TMTC4: variants seen among roughly 807,000 people sequenced by gnomAD.
The protein encoded by TMTC4 is protein O-mannosyl-transferase TMTC4.
In TMTC4, 65 loss-of-function variants were observed where a neutral mutation model predicts 86.0. That is an observed-to-expected ratio of 0.76 (90% CI 0.62 to 0.93). The LOEUF (loss-of-function observed/expected upper bound fraction) is 0.93, where lower values mean the gene tolerates loss of function less well. Ranked by LOEUF, TMTC4 falls within the 40% of genes least tolerant of loss-of-function variation. The probability of loss-of-function intolerance (pLI) is 0.00; values close to 1 mark genes in which losing one functional copy is unlikely to be tolerated. For missense variants in TMTC4, 866 were observed against 948.1 expected (o/e 0.91, Z 1.14); for synonymous variants, 379 against 382.5 (o/e 0.99, Z 0.11).
At chr13:100,624,851 A>T (rs1301052807) in intron 15 of TMTC4, 1 of 152,308 alleles carries the variant, frequency 6.6e-6, no homozygotes, top group East Asian at 1.9e-4. Context: ...TTGAAACCAA[A>T]TTAAATGGTT....
chr13:100,624,699 T>A (rs909096936), intron 15 of TMTC4, among the ~76,000 whole-genome samples: 6 of 152,212 alleles, frequency 3.9e-5, no homozygotes, highest in African/African-American at 1.4e-4. Context: ...CTGGATAAAA[T>A]CTGGAAATCT....
Position 100,625,543 on chromosome 13 carries a change from C to T in TMTC4, c.1828G>A (p.Gly610Arg), listed in dbSNP as rs1368829292. The T allele has an allele frequency of 9.3e-6, 15 of 1,613,988 alleles. No homozygotes were observed. The highest frequency in any genetic ancestry group is 2.2e-5 in the South Asian group (2 of 91,082). Residue 610 changes from glycine (G) to arginine (R), a missense_variant, in exon 15 of 19, where the codon GGG becomes AGG. Gly to Arg is a moderately radical substitution (Grantham distance 125). Coordinates refer to ENST00000342624, the MANE Select transcript of TMTC4 (RefSeq NM_032813.5). ...GGGCACCCCGCGCTTACCAGACGCCCGAGGTTGTAGTAACAGTCTGGGTAT... is the reference window on the plus strand; with the variant it reads ...GGGCACCCCGCGCTTACCAGACGCCTGAGGTTGTAGTAACAGTCTGGGTAT... ...RKYPDCYYNL[G>R]RLYADLNRHV...
At chr13:100,626,593 TG>T (rs1404692314) in intron 12 of TMTC4, among the ~76,000 whole-genome samples, 1 of 152,168 alleles carries the variant, frequency 6.6e-6, no homozygotes, top group Non-Finnish European at 1.5e-5. Context: ...CTCAAGTAGC[TG>T]GGACTACAGG....
At chr13:100,634,757 C>G (rs1229583343) in intron 12 of TMTC4, 48 bp downstream of exon 12, 1 of 1,583,766 alleles carries the variant, frequency 6.3e-7, no homozygotes, top group East Asian at 2.2e-5. Flanking sequence ...AAGAACTTAA[C>G]AGATACCCTA....
At chr13:100,658,117 G>A (rs1231932390) in intron 5 of TMTC4, among the ~76,000 whole-genome samples, 4 of 152,134 alleles carry the variant, frequency 2.6e-5, no homozygotes, top group South Asian at 2.1e-4. Flanking sequence ...TGCAATGAGC[G>A]CTCTGGAATA....
At chr13:100,657,568 T>C (rs960917555) in intron 5 of TMTC4, among the ~76,000 whole-genome samples, 3 of 152,200 alleles carry the variant, frequency 2.0e-5, no homozygotes, top group African/African-American at 4.8e-5. Context: ...CCAGGGGTAC[T>C]GGACTAGTTT....
At position 100,651,013 on chromosome 13, in the gene TMTC4, T is replaced by G. The variant is rs576168252; in HGVS notation, c.640+5368A>C. On this transcript the variant is annotated intron_variant, in intron 6 of 18. Coordinates refer to ENST00000342624, the MANE Select transcript of TMTC4 (RefSeq NM_032813.5). ...CACAGCTTAAGGGGAGCTATATAGC[T>G]TAAGAACAATGGAGATTTGAGATCC... is the stretch of plus-strand genomic sequence containing the variant. Among the ~76,000 whole-genome samples, 32 of 152,302 alleles carry G rather than the reference T, an allele frequency of 2.1e-4. No homozygotes were observed. In the South Asian group the frequency reaches 3.9e-3, roughly 19 times the overall value.
intron 6 of TMTC4, among the ~76,000 whole-genome samples, chr13:100,644,351 C>A (rs1288219470): frequency 6.6e-6 from 1 of 151,886 alleles, no homozygotes; most frequent in East Asian, 1.9e-4. Context: ...GATCCGCCTA[C>A]CTTGGCCTCC....
intron 12 of TMTC4, 52 bp from the exon 13 acceptor site, chr13:100,626,202 C>T: frequency 1.3e-6 from 2 of 1,557,316 alleles, no homozygotes; most frequent in Non-Finnish European, 8.9e-7. Context: ...TTGTTCAGAG[C>T]CTGGACCCCA....
In TMTC4 at chr13:100,664,271, G is replaced by T. The variant is rs374610186; in HGVS notation, c.285C>A (p.Ser95Arg). 6.2e-7 allele frequency: 1 copy of T among 1,612,156 alleles called. No homozygotes were observed. Among genetic ancestry groups the T allele is most frequent in the African/African-American group, 1.3e-5 (1 of 74,784 alleles). ...GGTAGGACTTGTGGCTGGTGTTGCT[G>T]CTCAGTCTACTGCCCCAGAAGTCAT... ...WHHDFWGSRL[S>R]SNTSHKSYRP... The change falls in exon 4 of 19, where the codon AGC becomes AGA. Residue 95 changes from serine (S) to arginine (R), a missense_variant. By Grantham distance (110) the Ser-to-Arg change is moderately radical. Coordinates refer to ENST00000342624, the MANE Select transcript of TMTC4 (RefSeq NM_032813.5).
chr13:100,668,466 C>A (rs1886664315), intron 3 of TMTC4, 113 bp downstream of exon 3: 2 of 1,095,424 alleles, frequency 1.8e-6, no homozygotes, highest in Admixed American at 2.3e-5. Flanking sequence ...ACCATCGGGG[C>A]CCAGGCCAAT....
At position 100,605,113 on chromosome 13, in the gene TMTC4, C is replaced by T; in HGVS notation, c.2164G>A (p.Asp722Asn). ...ATTTCATAGTGTTTCTTGGCCAAGT[C>T]TAGATGTCCCCAACGATGATAAAGC... is the stretch of plus-strand genomic sequence containing the variant. ...AVLYHRWGHL[D>N]LAKKHYEISL... is the part of the protein sequence containing the mutation. The change falls in exon 19 of 19, where the codon GAC becomes AAC. Residue 722 changes from aspartate to asparagine, a missense_variant. By Grantham distance (23) the Asp-to-Asn change is conservative. Transcript: ENST00000342624. This position sits in a 1 kb window ranked among gnomAD's most constrained non-coding sequence, Gnocchi z 4.3. 6.2e-7 allele frequency: 1 copy of T among 1,612,854 alleles called. No homozygotes were observed.
intron 12 of TMTC4, among the ~76,000 whole-genome samples, chr13:100,633,970 T>C (rs1009628973): frequency 1.3e-5 from 2 of 152,064 alleles, no homozygotes; most frequent in African/African-American, 4.8e-5. Context: ...TGAAACTCTG[T>C]CTCTACTAAA....
chr13:100,660,105 T>C (rs1594362726), intron 5 of TMTC4, among the ~76,000 whole-genome samples: 1 of 151,482 alleles, frequency 6.6e-6, no homozygotes, highest in South Asian at 2.1e-4. Flanking sequence ...CTGAGGCAGG[T>C]GGATCACTTG....
intron 17 of TMTC4, among the ~76,000 whole-genome samples, chr13:100,606,726 C>T (rs1183669567): frequency 2.0e-5 from 3 of 152,116 alleles, no homozygotes; most frequent in East Asian, 1.9e-4. Flanking sequence ...GGTCAGGGTG[C>T]GTGATGACGA....
At chr13:100,641,712 C>T (rs936899836) in intron 7 of TMTC4, among the ~76,000 whole-genome samples, 3 of 152,174 alleles carry the variant, frequency 2.0e-5, no homozygotes, top group African/African-American at 7.2e-5. Context: ...GTTTCGAACT[C>T]CCGACCTCAG....
chr13:100,658,875 G>A (rs1885433437), intron 5 of TMTC4, among the ~76,000 whole-genome samples: 1 of 152,082 alleles, frequency 6.6e-6, no homozygotes, highest in African/African-American at 2.4e-5. Flanking sequence ...AATTTTTTTG[G>A]CATAGTAATT....
At chr13:100,618,455 T>C (rs1193853442) in intron 15 of TMTC4, among the ~76,000 whole-genome samples, 38 of 94,774 alleles carry the variant, frequency 4.0e-4, no homozygotes, top group East Asian at 2.2e-3. Context: ...TTGCTTCTTG[T>C]TTTTTTTTTT....
At chr13:100,673,895 A>C (rs1033580195) in intron 1 of TMTC4, 1 of 426,230 alleles carries the variant, frequency 2.3e-6, no homozygotes, top group Non-Finnish European at 3.1e-6. Context: ...CCCTACTATA[A>C]CTGTTTCTCA....
Sources: allele counts gnomAD v4.1 joint callset (sites outside exome capture counted in the v4.1 genomes callset), GRCh38; gene constraint gnomAD v4.1.1; non-coding constraint Gnocchi (gnomAD v3.1); transcripts MANE v1.5; gene names NCBI Gene and HGNC (gene_info 2026-07-23, HGNC 2026-07-21).